Variants in DTNBP1 observed in about 807,000 individuals in gnomAD.
The protein encoded by DTNBP1 is dysbindin.
DTNBP1 carries 35 observed loss-of-function variants against 42.8 expected under a neutral mutation model. That is an observed-to-expected ratio of 0.82 (90% CI 0.63 to 1.09). The LOEUF (loss-of-function observed/expected upper bound fraction) is 1.09. Among genes scored for constraint, DTNBP1 ranks in the 50% least tolerant of loss-of-function variants. The probability of loss-of-function intolerance (pLI) is 0.00; values close to 1 mark genes in which losing one functional copy is unlikely to be tolerated. For missense variants in DTNBP1, 457 were observed against 424.2 expected (o/e 1.08, Z -0.68); for synonymous variants, 171 against 162.2 (o/e 1.05, Z -0.41).
At chr6:15,622,653 A>G (rs1759105962) in intron 5 of DTNBP1, among the ~76,000 whole-genome samples, 1 of 152,236 alleles carries the variant, frequency 6.6e-6, no homozygotes, top group Non-Finnish European at 1.5e-5. Context: ...TTTGCTCGCT[A>G]TAACAACCGC....
chr6:15,550,564 A>G (rs1171389697), intron 7 of DTNBP1, among the ~76,000 whole-genome samples: 2 of 152,244 alleles, frequency 1.3e-5, no homozygotes, highest in African/African-American at 4.8e-5. Context: ...GTGACAGCCA[A>G]ATCTCAGCAT....
intron 7 of DTNBP1, among the ~76,000 whole-genome samples, chr6:15,552,831 C>G (rs1044127911): frequency 3.9e-5 from 6 of 152,076 alleles, no homozygotes; most frequent in African/African-American, 1.4e-4. Flanking sequence ...ATTCAATACA[C>G]AGAAATAAAT....
At chr6:15,660,645 C>T in intron 1 of DTNBP1, 3 of 859,456 alleles carry the variant, frequency 3.5e-6, no homozygotes, top group South Asian at 3.0e-5. Flanking sequence ...CTAACTAGAT[C>T]CCTTTGGCAT....
chr6:15,594,975 A>G (rs932440542), intron 6 of DTNBP1, among the ~76,000 whole-genome samples: 2 of 152,156 alleles, frequency 1.3e-5, no homozygotes, highest in Non-Finnish European at 2.9e-5. Flanking sequence ...TACATTAATG[A>G]GTGAGTGTGC....
chr6:15,531,823 G>A (rs1012256988), intron 8 of DTNBP1, among the ~76,000 whole-genome samples: 3 of 152,280 alleles, frequency 2.0e-5, no homozygotes, highest in Non-Finnish European at 4.4e-5. Flanking sequence ...CAGTAGAGAC[G>A]AGGTTTCACC....
intron 7 of DTNBP1, among the ~76,000 whole-genome samples, chr6:15,575,191 A>G (rs1309670296): frequency 1.3e-5 from 2 of 152,234 alleles, no homozygotes; most frequent in East Asian, 3.8e-4. Context: ...AAGGAAAAAA[A>G]GGTATACAGT....
At chr6:15,586,413 GCTGGTCCCCT>G (rs1376447665) in intron 7 of DTNBP1, among the ~76,000 whole-genome samples, 6 of 151,454 alleles carry the variant, frequency 4.0e-5, no homozygotes, top group African/African-American at 1.5e-4. Context: ...TCCCACTCCC[GCTGGTCCCCT>G]CTGAATCACA....
intron 6 of DTNBP1, among the ~76,000 whole-genome samples, chr6:15,603,727 A>G (rs1178425770): frequency 1.3e-5 from 2 of 152,128 alleles, no homozygotes. Flanking sequence ...AGCAGTATTC[A>G]GACAAAAGCC....
chr6:15,546,740 A>C (rs1461778466), intron 7 of DTNBP1, among the ~76,000 whole-genome samples: 1 of 152,144 alleles, frequency 6.6e-6, no homozygotes, highest in African/African-American at 2.4e-5. Context: ...CAATGAGTAC[A>C]GGTAGCACCA....
chr6:15,657,470 A>G (rs1761349133), intron 1 of DTNBP1, among the ~76,000 whole-genome samples: 1 of 152,136 alleles, frequency 6.6e-6, no homozygotes, highest in South Asian at 2.1e-4. Context: ...GCACTGCCTT[A>G]TCTTCTCTCA....
At chr6:15,527,830 T>C (rs1025877889) in intron 8 of DTNBP1, among the ~76,000 whole-genome samples, 3 of 152,160 alleles carry the variant, frequency 2.0e-5, no homozygotes, top group African/African-American at 7.2e-5. Flanking sequence ...ACGCACACCA[T>C]GGACAACGTT....
rs1475954796 is a variant in DTNBP1 at position 15,662,593 on chromosome 6, G to C, written c.56+221C>G. 3.3e-5 allele frequency among the ~76,000 whole-genome samples: 5 copies of C among 152,216 alleles called. No homozygotes were observed. In the East Asian group the frequency reaches 9.7e-4, roughly 30 times the overall value. ...CGCCGCCGAGCGCCTCCCGGTCCTG[G>C]GGGGTGCGCGTCACAGGCGGCCCGC... is the stretch of plus-strand genomic sequence containing the variant. On this transcript the variant is annotated intron_variant, in intron 1 of 9. Coordinates refer to ENST00000344537, the MANE Select transcript of DTNBP1 (RefSeq NM_032122.5).
chr6:15,522,955 G>C lies in DTNBP1; in HGVS notation c.*20C>G. ...CCAAAACTGGATTCCAGTGTGGCCAGACAACGCCCATGTCCCAATTTAAGA... is the reference window on the plus strand; with the variant it reads ...CCAAAACTGGATTCCAGTGTGGCCACACAACGCCCATGTCCCAATTTAAGA... On this transcript the variant is annotated 3_prime_UTR_variant, in exon 10 of 10. Transcript: ENST00000344537. The C allele has an allele frequency of 4.3e-6, 7 of 1,614,224 alleles. No homozygotes were observed. The South Asian group carries it at 7.7e-5, about 18-fold the overall frequency.
intron 9 of DTNBP1, 195 bp from the exon 10 acceptor site, chr6:15,523,414 G>T: frequency 1.6e-6 from 2 of 1,243,806 alleles, no homozygotes; most frequent in Non-Finnish European, 2.2e-6. Context: ...CTCAGGCCCT[G>T]CGGTGACCCT....
At chr6:15,602,948 C>A (rs370040678) in intron 6 of DTNBP1, among the ~76,000 whole-genome samples, 3 of 152,320 alleles carry the variant, frequency 2.0e-5, no homozygotes, top group East Asian at 3.9e-4. Flanking sequence ...CAAACAGATA[C>A]TCATTGTTCA....
At chr6:15,524,488 C>A in intron 9 of DTNBP1, 38 bp downstream of exon 9, 1 of 1,611,908 alleles carries the variant, frequency 6.2e-7, no homozygotes, top group Non-Finnish European at 8.5e-7. Context: ...GGCATCGATA[C>A]TGCCCTGGTT....
chr6:15,643,623 G>A (rs1760504027), intron 3 of DTNBP1, among the ~76,000 whole-genome samples: 1 of 152,060 alleles, frequency 6.6e-6, no homozygotes. Context: ...GAAGAGACTG[G>A]GGGCCTATTT....
chr6:15,645,934 C>T (rs917761276), intron 3 of DTNBP1, among the ~76,000 whole-genome samples: 1 of 151,968 alleles, frequency 6.6e-6, no homozygotes, highest in Non-Finnish European at 1.5e-5. Context: ...GAAGTCCTAG[C>T]TGGAGCAATC....
At chr6:15,642,249 C>T (rs1760408981) in intron 3 of DTNBP1, among the ~76,000 whole-genome samples, 1 of 152,200 alleles carries the variant, frequency 6.6e-6, no homozygotes. Context: ...GAGGAGTGTA[C>T]CCGCAACCCG....
Sources: allele counts gnomAD v4.1 joint callset (sites outside exome capture counted in the v4.1 genomes callset), GRCh38; gene constraint gnomAD v4.1.1; transcripts MANE v1.5; gene names NCBI Gene and HGNC (gene_info 2026-07-23, HGNC 2026-07-21).